MPHOSPH9: variants seen among roughly 807,000 people sequenced by gnomAD.
The protein encoded by MPHOSPH9 is M-phase phosphoprotein 9.
Under a neutral mutation model 145.5 loss-of-function variants are expected in MPHOSPH9, and 88 were observed. The ratio of observed to expected loss-of-function variants is 0.60; its 90% CI spans 0.51 to 0.72. The LOEUF is 0.72. Among genes scored for constraint, MPHOSPH9 ranks in the 30% least tolerant of loss-of-function variants. The pLI is 0.00. For synonymous variants in MPHOSPH9, 435 were observed against 486.2 expected, an observed-to-expected ratio of 0.89 and a Z score of 1.39; for missense variants, 1,238 against 1,386.6, an observed-to-expected ratio of 0.89 and a Z score of 1.70.
intron 15 of MPHOSPH9, among the ~76,000 whole-genome samples, chr12:123,179,638 AG>A (rs1173542384): frequency 2.0e-5 from 3 of 151,566 alleles, no homozygotes; most frequent in Non-Finnish European, 4.4e-5. Flanking sequence ...CCAACTATTC[AG>A]GAAGCCAAGG....
intron 2 of MPHOSPH9, among the ~76,000 whole-genome samples, chr12:123,228,869 A>C (rs907472543): frequency 2.6e-5 from 4 of 152,216 alleles, no homozygotes; most frequent in Non-Finnish European, 5.9e-5. Context: ...ACACTGTTCT[A>C]ACAGGAATAT....
At chr12:123,230,919 G>A (rs1194283562) in intron 1 of MPHOSPH9, among the ~76,000 whole-genome samples, 3 of 152,308 alleles carry the variant, frequency 2.0e-5, no homozygotes, top group Admixed American at 6.5e-5. Context: ...GTGAGTGAGT[G>A]CAGCTGGTAT....
chr12:123,166,821 AG>A, intron 16 of MPHOSPH9, 32 bp from the exon 17 acceptor site: 1 of 1,599,206 alleles, frequency 6.3e-7, no homozygotes, highest in South Asian at 1.1e-5. Context: ...GGCATTATAA[AG>A]GTCTGCACTT....
intron 16 of MPHOSPH9, among the ~76,000 whole-genome samples, chr12:123,172,357 G>A (rs2044620760): frequency 6.6e-6 from 1 of 150,426 alleles, no homozygotes; most frequent in Non-Finnish European, 1.5e-5. Context: ...TTTTGAGACA[G>A]AGTCTCACTT....
intron 23 of MPHOSPH9, chr12:123,160,542 CA>C: frequency 2.3e-6 from 1 of 433,912 alleles, no homozygotes; most frequent in Non-Finnish European, 4.1e-6. Context: ...CTTGAAAATA[CA>C]AGGGCATGAA....
rs565421445 is a variant in MPHOSPH9, at chr12:123,233,109, T to A, written c.-193A>T. 1 of 151,512 alleles carries A rather than the reference T, an allele frequency of 6.6e-6. No homozygotes were observed. Among genetic ancestry groups the A allele is most frequent in the Admixed American group, 6.6e-5 (1 of 15,130 alleles). The allele number at this position is 151,512 out of a possible 1,614,324, so 9.4% of individuals were successfully genotyped here. On this transcript the variant is annotated 5_prime_UTR_variant, in exon 1 of 24. The change abolishes an upstream ATG in the 5' untranslated region. Coordinates refer to ENST00000606320, the MANE Select transcript of MPHOSPH9 (RefSeq NM_022782.4). ...GCTCCCGCTGCCGATGTCAGGGTCA[T>A]GCAAGCGGCCTCTCGCGACCGTTAC...
At chr12:123,203,517 G>T in intron 8 of MPHOSPH9, 142 bp from the exon 9 acceptor site, 1 of 762,836 alleles carries the variant, frequency 1.3e-6, no homozygotes, top group African/African-American at 1.8e-5. Flanking sequence ...TACAAGCTTG[G>T]AAGTCATTAC....
rs1005263344 is a variant in MPHOSPH9, at chr12:123,183,997, G to C, written c.2242-2787C>G. Among the ~76,000 whole-genome samples, 6 of 152,242 alleles carry C rather than the reference G, an allele frequency of 3.9e-5. No individual in the cohort carries two copies. The South Asian group carries it at 1.2e-3, about 32-fold the overall frequency. On this transcript the variant is annotated intron_variant, in intron 13 of 23. Coordinates refer to ENST00000606320, the MANE Select transcript of MPHOSPH9 (RefSeq NM_022782.4). ...GGCCGAGGAAGATTACTTGAGCCCAGGAGTTGGAGACCAGCCTGCGCAATA... is the reference window on the plus strand; with the variant it reads ...GGCCGAGGAAGATTACTTGAGCCCACGAGTTGGAGACCAGCCTGCGCAATA...
Position 123,215,959 on chromosome 12 carries a change from C to T in MPHOSPH9, c.997-1125G>A, listed in dbSNP as rs138470320. On this transcript the variant is annotated intron_variant, in intron 6 of 23. Transcript: ENST00000606320. ...TCACTACTTAAGACCAAGAGAAGGC[C>T]GGGCGCGGTGGCTCACGCCTATAAT... is the stretch of plus-strand genomic sequence containing the variant. 1.3e-3 allele frequency among the ~76,000 whole-genome samples: 196 copies of T among 152,248 alleles called. 2 individuals carry two copies. Among genetic ancestry groups the T allele is most frequent in the Admixed American group, 0.011 (170 of 15,270 alleles).
At chr12:123,160,228 T>C (rs1183681234) in intron 23 of MPHOSPH9, 1 of 152,190 alleles carries the variant, frequency 6.6e-6, no homozygotes, top group African/African-American at 2.4e-5. Context: ...AAAAAAGAAG[T>C]TGGGGGCTGG....
At chr12:123,221,230 A>G (rs891680455) in intron 5 of MPHOSPH9, 142 bp downstream of exon 5, 7 of 679,720 alleles carry the variant, frequency 1.0e-5, no homozygotes, top group Non-Finnish European at 1.7e-5. Context: ...ATTAGAATAT[A>G]GTGTGCTTTG....
chr12:123,210,418 C>T (rs980241312), intron 7 of MPHOSPH9, among the ~76,000 whole-genome samples: 2 of 152,014 alleles, frequency 1.3e-5, no homozygotes, highest in Admixed American at 6.6e-5. Flanking sequence ...TTTGGCCAGG[C>T]ATGGTAGCTC....
chr12:123,227,383 T>C (rs1256096820), intron 3 of MPHOSPH9, 80 bp downstream of exon 3: 1 of 1,092,996 alleles, frequency 9.1e-7, no homozygotes, highest in African/African-American at 1.6e-5. Context: ...GGACATAAAT[T>C]TCTAATAATT....
intron 2 of MPHOSPH9, among the ~76,000 whole-genome samples, chr12:123,229,331 G>C (rs2047549882): frequency 6.6e-6 from 1 of 152,122 alleles, no homozygotes; most frequent in Admixed American, 6.6e-5. Context: ...GTCAGACTAT[G>C]TGCAAATTGA....
intron 13 of MPHOSPH9, among the ~76,000 whole-genome samples, chr12:123,191,180 G>T (rs1179127733): frequency 6.6e-6 from 1 of 152,038 alleles, no homozygotes; most frequent in Non-Finnish European, 1.5e-5. Context: ...AATTAGCCGG[G>T]CATGGTGGCA....
intron 3 of MPHOSPH9, chr12:123,226,277 T>C (rs2047432443): frequency 3.0e-6 from 3 of 1,014,512 alleles, no homozygotes; most frequent in Non-Finnish European, 3.7e-6. Flanking sequence ...ATAATGGATA[T>C]AAATAATTAC....
chr12:123,200,056 T>C (rs192045120), intron 11 of MPHOSPH9, among the ~76,000 whole-genome samples: 1 of 152,292 alleles, frequency 6.6e-6, no homozygotes, highest in East Asian at 1.9e-4. Context: ...TTTTCAGTAC[T>C]ATGGATTCTA....
chr12:123,166,844 G>T (rs572582643), intron 16 of MPHOSPH9, 55 bp from the exon 17 acceptor site: 21 of 1,552,900 alleles, frequency 1.4e-5, no homozygotes, highest in Non-Finnish European at 1.7e-5. Flanking sequence ...ATTTCAGACT[G>T]CATGTGCATA....
intron 8 of MPHOSPH9, among the ~76,000 whole-genome samples, chr12:123,204,229 A>C (rs1202834530): frequency 6.6e-6 from 1 of 151,766 alleles, no homozygotes; most frequent in Non-Finnish European, 1.5e-5. Flanking sequence ...TTGAACCTGG[A>C]AGGCGGAGGT....
Sources: gnomAD v4.1 joint callset for allele counts (sites outside exome capture counted in the v4.1 genomes callset) on GRCh38, gnomAD v4.1.1 for gene constraint, MANE v1.5 for transcripts, NCBI Gene and HGNC (gene_info 2026-07-23, HGNC 2026-07-21) for gene names.